Variants in GRIN2B observed in about 807,000 individuals in gnomAD.
GRIN2B encodes glutamate receptor ionotropic, NMDA 2B.
A neutral mutation model predicts 114.5 loss-of-function variants in GRIN2B; 5 were observed. That is an observed-to-expected ratio of 0.04 (90% CI 0.02 to 0.09). GRIN2B has a LOEUF of 0.09. Among genes scored for constraint, GRIN2B ranks in the 10% least tolerant of loss-of-function variants. The pLI is 1.00. For synonymous variants in GRIN2B, 787 were observed against 745.1 expected (o/e 1.06, Z -0.92); for missense variants, 1,108 against 1,943.5 (o/e 0.57, Z 8.08).
intron 10 of GRIN2B, among the ~76,000 whole-genome samples, chr12:13,574,561 T>C (rs1277827260): frequency 3.9e-5 from 6 of 152,222 alleles, no homozygotes; most frequent in African/African-American, 1.4e-4. Flanking sequence ...TGGCAATCCA[T>C]GCAAGGTATC....
At chr12:13,916,081 C>A (rs1305333572) in intron 2 of GRIN2B, among the ~76,000 whole-genome samples, 2 of 152,012 alleles carry the variant, frequency 1.3e-5, no homozygotes, top group African/African-American at 4.8e-5. Flanking sequence ...AAGCAAAAAC[C>A]AGAGCTTTGA....
rs1446649514 is a variant in GRIN2B at position 13,753,095 on chromosome 12, A to T, written c.1010+222T>A. Among the ~76,000 whole-genome samples the T allele has an allele frequency of 6.6e-6, 1 of 152,238 alleles. No individual in the cohort carries two copies. Among genetic ancestry groups the T allele is most frequent in the Non-Finnish European group, 1.5e-5 (1 of 68,036 alleles). On this transcript the variant is annotated intron_variant, in intron 4 of 13. Transcript: ENST00000609686. The surrounding 1 kb of genome is among the most constrained non-coding windows in gnomAD (Gnocchi z 6.2). The stretch of plus-strand genomic sequence containing the variant: ...GAAACCAAACATGCAAAACCCTTAG[A>T]GTAACATCTAACACATAATAAGTGC...
intron 4 of GRIN2B, among the ~76,000 whole-genome samples, chr12:13,729,723 G>A (rs1476172764): frequency 6.6e-6 from 1 of 151,140 alleles, no homozygotes; most frequent in Non-Finnish European, 1.5e-5. Flanking sequence ...GTTCTGTGAA[G>A]GATTCATTTT....
intron 2 of GRIN2B, among the ~76,000 whole-genome samples, chr12:13,938,592 C>A (rs1005330595): frequency 6.6e-6 from 1 of 152,116 alleles, no homozygotes; most frequent in African/African-American, 2.4e-5. Flanking sequence ...ATAAAATAGG[C>A]AAATCTCAGT....
At chr12:13,768,259 G>A (rs534758519) in intron 3 of GRIN2B, among the ~76,000 whole-genome samples, 4 of 152,304 alleles carry the variant, frequency 2.6e-5, no homozygotes, top group Admixed American at 1.3e-4. Context: ...GTACCTGGCC[G>A]AAGCAGACCA....
chr12:13,752,086 A>T (rs1863493013), intron 4 of GRIN2B, among the ~76,000 whole-genome samples: 1 of 152,192 alleles, frequency 6.6e-6, no homozygotes, highest in Non-Finnish European at 1.5e-5. Context: ...TTCAACCCTG[A>T]ATTGAAGCTG....
chr12:13,625,025 C>G (rs1056953551), intron 5 of GRIN2B, among the ~76,000 whole-genome samples: 2 of 152,112 alleles, frequency 1.3e-5, no homozygotes, highest in Non-Finnish European at 2.9e-5. Context: ...GATAACACCA[C>G]GGGTGGAGAT....
At chr12:13,864,319 G>A (rs922196860) in intron 3 of GRIN2B, among the ~76,000 whole-genome samples, 6 of 152,288 alleles carry the variant, frequency 3.9e-5, no homozygotes, top group Admixed American at 2.0e-4. Flanking sequence ...CGGCTCAGCT[G>A]CTCCACTGCG....
chr12:13,949,856 AC>A (rs956420521), intron 2 of GRIN2B, among the ~76,000 whole-genome samples: 17 of 152,174 alleles, frequency 1.1e-4, no homozygotes, highest in African/African-American at 3.9e-4. Flanking sequence ...GCCTGCAAGA[AC>A]CAAACCAATC....
Position 13,568,990 on chromosome 12 carries a change from C to T in GRIN2B, c.2359+840G>A, listed in dbSNP as rs1040531767. Among the ~76,000 whole-genome samples the T allele has an allele frequency of 3.9e-5, 6 of 152,116 alleles. 1 individual carries two copies. Among genetic ancestry groups the T allele is most frequent in the African/African-American group, 1.4e-4 (6 of 41,426 alleles). On this transcript the variant is annotated intron_variant, in intron 12 of 13. Transcript: ENST00000609686. ...GAGAGCAGGAAGAATGAAGAGATGG[C>T]CGCAAGTTTATTTCTCCGCCCTACC...
chr12:13,564,234 C>T lies in GRIN2B; in HGVS notation c.3004G>A (p.Gly1002Arg), dbSNP rs761281000. ...GGTGGGTTGTCACAGTCGTAGAGCC[C>T]ATCGATGGAGCTGGCACTGCCAATA... is the stretch of plus-strand genomic sequence containing the variant. ...HSIGSASSID[G>R]LYDCDNPPFT... is the part of the protein sequence containing the mutation. Residue 1002 changes from glycine (G) to arginine (R), a missense_variant, in exon 14 of 14, where the codon GGG becomes AGG. By Grantham distance (125) the Gly-to-Arg change is moderately radical. Transcript: ENST00000609686. The surrounding 1 kb of genome is among the most constrained non-coding windows in gnomAD (Gnocchi z 4.8). 1 of 1,614,154 alleles carries T rather than the reference C, an allele frequency of 6.2e-7. No individual in the cohort carries two copies. Among genetic ancestry groups the T allele is most frequent in the Admixed American group, 1.7e-5 (1 of 60,022 alleles).
intron 2 of GRIN2B, among the ~76,000 whole-genome samples, chr12:13,951,612 A>C (rs1867480548): frequency 6.6e-6 from 1 of 152,182 alleles, no homozygotes. Context: ...AAATCTAGGA[A>C]GACTTCATGG....
chr12:13,760,218 A>T (rs1412455265), intron 3 of GRIN2B, among the ~76,000 whole-genome samples: 1 of 152,174 alleles, frequency 6.6e-6, no homozygotes, highest in African/African-American at 2.4e-5. Context: ...GCCTCTTCCC[A>T]ATTAAATGTG....
At chr12:13,805,759 G>T (rs1864589703) in intron 3 of GRIN2B, among the ~76,000 whole-genome samples, 2 of 152,046 alleles carry the variant, frequency 1.3e-5, no homozygotes, top group African/African-American at 4.8e-5. Flanking sequence ...TTTAAAATCT[G>T]CTCTTAACAA....
chr12:13,567,375 A>G, intron 12 of GRIN2B, 112 bp from the exon 13 acceptor site: 1 of 730,418 alleles, frequency 1.4e-6, no homozygotes, highest in Non-Finnish European at 2.4e-6. Flanking sequence ...GTGACAGAAA[A>G]AGAGACAAGG....
chr12:13,830,245 G>T (rs147436105), intron 3 of GRIN2B, among the ~76,000 whole-genome samples: 1 of 152,230 alleles, frequency 6.6e-6, no homozygotes, highest in East Asian at 1.9e-4. Flanking sequence ...GAATAATATG[G>T]TTTTTGTGAA....
chr12:13,642,912 T>C (rs1167501749), intron 5 of GRIN2B, among the ~76,000 whole-genome samples: 1 of 152,156 alleles, frequency 6.6e-6, no homozygotes, highest in African/African-American at 2.4e-5. Flanking sequence ...TTCTGAAATC[T>C]TTCCATTATG....
intron 4 of GRIN2B, among the ~76,000 whole-genome samples, chr12:13,737,899 C>T (rs1211502174): frequency 6.6e-6 from 1 of 152,142 alleles, no homozygotes; most frequent in Non-Finnish European, 1.5e-5. Context: ...ATTACCCTAC[C>T]CATAATTCTG....
At chr12:13,646,516 T>C (rs1303725564) in intron 5 of GRIN2B, among the ~76,000 whole-genome samples, 1 of 152,152 alleles carries the variant, frequency 6.6e-6, no homozygotes, top group African/African-American at 2.4e-5. Context: ...CAATAGAATA[T>C]GGAAAAGTGA....
Sources: gnomAD v4.1 joint callset for allele counts (sites outside exome capture counted in the v4.1 genomes callset) on GRCh38, gnomAD v4.1.1 for gene constraint, Gnocchi (gnomAD v3.1) non-coding constraint, MANE v1.5 for transcripts, NCBI Gene and HGNC (gene_info 2026-07-23, HGNC 2026-07-21) for gene names.